The following PLCL2 variants were observed in gnomAD, a reference collection of about 807,000 sequenced individuals.
PLCL2 encodes the protein phospholipase C like 2.
In PLCL2, 4 loss-of-function variants were observed where a neutral mutation model predicts 79.6. The ratio of observed to expected loss-of-function variants is 0.05; its 90% CI spans 0.02 to 0.11. PLCL2 has a LOEUF of 0.11. Among genes scored for constraint, PLCL2 ranks in the 10% least tolerant of loss-of-function variants. The pLI is 1.00. For missense variants in PLCL2, 895 were observed against 1,291.0 expected, an observed-to-expected ratio of 0.69 and a Z score of 4.70; for synonymous variants, 484 against 457.7, an observed-to-expected ratio of 1.06 and a Z score of -0.73.
At chr3:17,056,041 T>G (rs1047362730) in intron 4 of PLCL2, among the ~76,000 whole-genome samples, 6 of 152,138 alleles carry the variant, frequency 3.9e-5, no homozygotes, top group African/African-American at 1.4e-4. Context: ...TTGTCACATC[T>G]TCCTCCCTCC....
intron 1 of PLCL2, among the ~76,000 whole-genome samples, chr3:16,890,868 T>C (rs1035057813): frequency 1.3e-5 from 2 of 152,196 alleles, no homozygotes; most frequent in South Asian, 4.1e-4. Context: ...AGTAATTCCA[T>C]AGCTTTAGGG....
intron 4 of PLCL2, among the ~76,000 whole-genome samples, chr3:17,054,568 G>A (rs761030119): frequency 1.3e-5 from 2 of 151,978 alleles, no homozygotes; most frequent in Non-Finnish European, 2.9e-5. Context: ...TCTTCACATG[G>A]CCCAAGCAGG....
At chr3:16,955,127 C>T (rs930675594) in intron 1 of PLCL2, among the ~76,000 whole-genome samples, 1 of 152,184 alleles carries the variant, frequency 6.6e-6, no homozygotes, top group Non-Finnish European at 1.5e-5. Context: ...ATGGTAATGC[C>T]TAGGTTTTCT....
chr3:16,994,611 T>C (rs2064134827), intron 1 of PLCL2, among the ~76,000 whole-genome samples: 1 of 152,204 alleles, frequency 6.6e-6, no homozygotes, highest in Non-Finnish European at 1.5e-5. Flanking sequence ...TATTATAACA[T>C]TTTGAGATAA....
At chr3:17,073,588 C>T (rs1026438087) in intron 5 of PLCL2, among the ~76,000 whole-genome samples, 3 of 152,124 alleles carry the variant, frequency 2.0e-5, no homozygotes, top group East Asian at 1.9e-4. Context: ...TTCTCTGTAG[C>T]GTGCAATGCT....
intron 3 of PLCL2, among the ~76,000 whole-genome samples, chr3:17,025,364 T>A: frequency 6.6e-6 from 1 of 152,282 alleles, no homozygotes; most frequent in African/African-American, 2.4e-5. Context: ...CCAGTGGAGT[T>A]GAGTTGGGAA....
chr3:17,067,765 G>A (rs1575613734), intron 4 of PLCL2, among the ~76,000 whole-genome samples, 191 bp from the exon 5 acceptor site: 1 of 152,330 alleles, frequency 6.6e-6, no homozygotes, highest in East Asian at 1.9e-4. Flanking sequence ...CTTCGAAGAT[G>A]CCTTCTGCCT....
rs1021704073 is a variant in PLCL2 at position 16,999,296 on chromosome 3, CAG to C, written c.328-10373_328-10372del. On this transcript the variant is annotated intron_variant, in intron 1 of 5. Transcript: ENST00000615277. Reference sequence around the variant, plus strand: ...GGTTGTGCATCAGTTAAACAAGACTCAGAGAGGGTGACGTTCATTCTGTTTCT... The same window carrying C: ...GGTTGTGCATCAGTTAAACAAGACTCAGAGGGTGACGTTCATTCTGTTTCT... Among the ~76,000 whole-genome samples the C allele has an allele frequency of 1.0e-3, 152 of 152,258 alleles. 1 individual carries two copies. The highest frequency in any genetic ancestry group is 3.6e-3 in the African/African-American group (148 of 41,550).
chr3:16,888,492 G>A (rs957757166), intron 1 of PLCL2, among the ~76,000 whole-genome samples: 5 of 151,982 alleles, frequency 3.3e-5, no homozygotes, highest in African/African-American at 4.8e-5. Flanking sequence ...TGAAAATAAC[G>A]GTCGACTTTT....
At chr3:16,974,416 A>G (rs1392925681) in intron 1 of PLCL2, among the ~76,000 whole-genome samples, 1 of 152,134 alleles carries the variant, frequency 6.6e-6, no homozygotes, top group Non-Finnish European at 1.5e-5. Flanking sequence ...AGGTAGTGTC[A>G]ATGGAAGGAA....
chr3:16,937,792 G>A (rs1697576914), intron 1 of PLCL2, among the ~76,000 whole-genome samples: 1 of 152,110 alleles, frequency 6.6e-6, no homozygotes, highest in African/African-American at 2.4e-5. Context: ...TTAAAAAGAT[G>A]TTTCTTTTTT....
intron 3 of PLCL2, among the ~76,000 whole-genome samples, chr3:17,027,499 G>C (rs1027602949): frequency 2.6e-5 from 4 of 152,168 alleles, no homozygotes; most frequent in Non-Finnish European, 5.9e-5. Flanking sequence ...AATGTTTACT[G>C]TCTGGCTCTG....
chr3:17,070,577 G>A (rs985974599), intron 5 of PLCL2, among the ~76,000 whole-genome samples: 1 of 152,164 alleles, frequency 6.6e-6, no homozygotes, highest in African/African-American at 2.4e-5. Flanking sequence ...GGAAAGATCT[G>A]TGTGTCATTT....
At chr3:16,988,732 T>C (rs769531410) in intron 1 of PLCL2, among the ~76,000 whole-genome samples, 11 of 152,130 alleles carry the variant, frequency 7.2e-5, no homozygotes, top group Admixed American at 3.3e-4. Context: ...ATCAACTAGG[T>C]AGCTGAAAGT....
intron 1 of PLCL2, among the ~76,000 whole-genome samples, chr3:16,964,241 G>C (rs931458664): frequency 7.1e-6 from 1 of 141,190 alleles, no homozygotes; most frequent in African/African-American, 2.7e-5. Context: ...TCATTGTTCA[G>C]TTGCCACCTG....
chr3:17,084,310 A>G (rs925704286), intron 5 of PLCL2, among the ~76,000 whole-genome samples: 1 of 152,216 alleles, frequency 6.6e-6, no homozygotes, highest in African/African-American at 2.4e-5. Context: ...CCTCCAAAAC[A>G]AAAAGCACCA....
intron 4 of PLCL2, among the ~76,000 whole-genome samples, chr3:17,055,950 A>G (rs997124387): frequency 6.6e-6 from 1 of 152,170 alleles, no homozygotes; most frequent in East Asian, 1.9e-4. Flanking sequence ...CAGTGCCACA[A>G]ATGAAGGGGA....
chr3:17,026,438 A>G (rs536075900), intron 3 of PLCL2, among the ~76,000 whole-genome samples: 11 of 152,334 alleles, frequency 7.2e-5, no homozygotes, highest in African/African-American at 1.7e-4. Context: ...TCATCTACCT[A>G]CAGAAATATT....
intron 1 of PLCL2, among the ~76,000 whole-genome samples, chr3:17,001,370 T>A (rs2064209392): frequency 6.6e-6 from 1 of 152,134 alleles, no homozygotes; most frequent in African/African-American, 2.4e-5. Context: ...ACAAATGTAA[T>A]CCCATTTATT....
Sources: allele counts gnomAD v4.1 joint callset (sites outside exome capture counted in the v4.1 genomes callset), GRCh38; gene constraint gnomAD v4.1.1; transcripts MANE v1.5; gene names NCBI Gene and HGNC (gene_info 2026-07-23, HGNC 2026-07-21).